CTNNA3: variants seen among roughly 807,000 people sequenced by gnomAD.
CTNNA3 encodes the protein catenin alpha-3.
CTNNA3 carries 76 observed loss-of-function variants against 95.7 expected under a neutral mutation model. The ratio of observed to expected loss-of-function variants is 0.79; its 90% CI spans 0.66 to 0.96. CTNNA3 has a LOEUF of 0.96. CTNNA3 is among the 40% of genes least tolerant of loss of function. The pLI is 0.00. For synonymous variants in CTNNA3, 431 were observed against 374.4 expected (o/e 1.15, Z -1.74); for missense variants, 1,191 against 1,089.8 (o/e 1.09, Z -1.31).
chr10:66,355,341 T>A (rs1378208065), intron 12 of CTNNA3, among the ~76,000 whole-genome samples: 3 of 152,034 alleles, frequency 2.0e-5, no homozygotes, highest in Non-Finnish European at 2.9e-5. Context: ...ATGCAAATCT[T>A]TAAAATGAAA....
At chr10:66,077,895 T>A (rs2080604697) in intron 14 of CTNNA3, among the ~76,000 whole-genome samples, 1 of 151,648 alleles carries the variant, frequency 6.6e-6, no homozygotes, top group Admixed American at 6.6e-5. Context: ...TATTGAAGGG[T>A]TGGTAAATTT....
In CTNNA3 at chr10:66,115,506, TATAGATAGATAGATAGATG is replaced by T. The variant is rs1345894530; in HGVS notation, c.1885-12276_1885-12258del. Among the ~76,000 whole-genome samples, 654 of 148,960 alleles carry T rather than the reference TATAGATAGATAGATAGATG, an allele frequency of 4.4e-3. 4 individuals are homozygous for T. Among genetic ancestry groups the T allele is most frequent in the African/African-American group, 0.015 (615 of 39,802 alleles). On this transcript the variant is annotated intron_variant, in intron 13 of 17. Transcript: ENST00000433211. ...TGTGGTTTGACTTCCCAATGGGGAA[TATAGATAGATAGATAGATG>T]ATAGATAGATAGATAGATAGATAGA...
At chr10:67,183,870 G>A (rs974692726) in intron 6 of CTNNA3, among the ~76,000 whole-genome samples, 3 of 152,024 alleles carry the variant, frequency 2.0e-5, no homozygotes, top group African/African-American at 7.2e-5. Context: ...AAGAACTGAA[G>A]GTTCTGGGAA....
At chr10:65,987,552 G>C (rs2078453189) in intron 16 of CTNNA3, among the ~76,000 whole-genome samples, 1 of 152,036 alleles carries the variant, frequency 6.6e-6, no homozygotes. Flanking sequence ...GTAGAGAAAA[G>C]GGGACTCATA....
At chr10:66,798,596 A>C (rs1018932230) in intron 7 of CTNNA3, among the ~76,000 whole-genome samples, 10 of 151,568 alleles carry the variant, frequency 6.6e-5, no homozygotes, top group Non-Finnish European at 8.9e-5. Context: ...GAAACTCCAA[A>C]TCCCAGAAAA....
At chr10:66,356,713 T>C (rs1564892990) in intron 12 of CTNNA3, among the ~76,000 whole-genome samples, 1 of 152,058 alleles carries the variant, frequency 6.6e-6, no homozygotes, top group Non-Finnish European at 1.5e-5. Context: ...CATTCATTCT[T>C]TTACTGTTAA....
chr10:66,849,283 G>C (rs942297252), intron 7 of CTNNA3, among the ~76,000 whole-genome samples: 1 of 152,150 alleles, frequency 6.6e-6, no homozygotes, highest in Non-Finnish European at 1.5e-5. Flanking sequence ...AAGCCATCAG[G>C]AAATAGTAAA....
chr10:67,253,598 G>T (rs957627454), intron 5 of CTNNA3, among the ~76,000 whole-genome samples: 4 of 152,116 alleles, frequency 2.6e-5, no homozygotes, highest in African/African-American at 9.7e-5. Context: ...CCTGGGAATG[G>T]CATAAGTATA....
chr10:67,275,784 T>C (rs1839163101), intron 5 of CTNNA3, among the ~76,000 whole-genome samples: 1 of 152,146 alleles, frequency 6.6e-6, no homozygotes, highest in African/African-American at 2.4e-5. Flanking sequence ...CTCTCTCCTT[T>C]TCAGGTTAAA....
chr10:66,571,886 G>T (rs1415987527), intron 10 of CTNNA3, among the ~76,000 whole-genome samples: 1 of 152,134 alleles, frequency 6.6e-6, no homozygotes, highest in East Asian at 1.9e-4. Context: ...TGATTAATTT[G>T]TATAGAATCA....
intron 5 of CTNNA3, among the ~76,000 whole-genome samples, chr10:67,412,079 G>T (rs959453429): frequency 1.3e-5 from 2 of 152,020 alleles, no homozygotes; most frequent in African/African-American, 4.8e-5. Flanking sequence ...GTAAATACTT[G>T]GCAGCAATTT....
At chr10:67,428,274 T>C (rs1845988413) in intron 5 of CTNNA3, among the ~76,000 whole-genome samples, 1 of 152,052 alleles carries the variant, frequency 6.6e-6, no homozygotes, top group South Asian at 2.1e-4. Flanking sequence ...TTTACCTTTA[T>C]AATTTTGGAG....
At chr10:67,701,887 C>T (rs1349463318) in intron 1 of CTNNA3, among the ~76,000 whole-genome samples, 17 of 152,000 alleles carry the variant, frequency 1.1e-4, no homozygotes, top group Non-Finnish European at 2.1e-4. Flanking sequence ...ACCCATCTCA[C>T]GAGCAGAGAC....
intron 13 of CTNNA3, among the ~76,000 whole-genome samples, chr10:66,250,095 C>G (rs990108338): frequency 1.3e-5 from 2 of 152,064 alleles, no homozygotes; most frequent in Non-Finnish European, 2.9e-5. Context: ...TCATTTGCAA[C>G]AACATGGATG....
intron 12 of CTNNA3, among the ~76,000 whole-genome samples, chr10:66,306,558 T>C (rs1441485764): frequency 6.6e-6 from 1 of 152,166 alleles, no homozygotes; most frequent in Non-Finnish European, 1.5e-5. Flanking sequence ...TACTGCCTGA[T>C]ACTGCCTCCA....
At chr10:67,690,641 T>A (rs116157567) in intron 1 of CTNNA3, among the ~76,000 whole-genome samples, 1,793 of 152,308 alleles carry the variant, frequency 0.012, 42 homozygotes, top group African/African-American at 0.041. Flanking sequence ...AGAGCACTGA[T>A]TGGTGCATTT....
intron 1 of CTNNA3, among the ~76,000 whole-genome samples, chr10:67,742,336 G>A (rs1841345215): frequency 1.3e-5 from 2 of 151,156 alleles, no homozygotes; most frequent in Admixed American, 1.3e-4. Flanking sequence ...TAGAACTCAG[G>A]ATTAAGAAAC....
intron 7 of CTNNA3, among the ~76,000 whole-genome samples, chr10:66,966,928 A>G (rs1044134652): frequency 2.6e-5 from 4 of 152,160 alleles, no homozygotes; most frequent in East Asian, 1.9e-4. Flanking sequence ...ATTCAACTAA[A>G]TGGGAGAATT....
At chr10:66,856,433 T>A (rs1843685825) in intron 7 of CTNNA3, among the ~76,000 whole-genome samples, 1 of 152,076 alleles carries the variant, frequency 6.6e-6, no homozygotes, top group Non-Finnish European at 1.5e-5. Flanking sequence ...TAACCAATAA[T>A]GAGATTGTTG....
Sources: allele counts gnomAD v4.1 joint callset (sites outside exome capture counted in the v4.1 genomes callset), GRCh38; gene constraint gnomAD v4.1.1; transcripts MANE v1.5; gene names NCBI Gene and HGNC (gene_info 2026-07-23, HGNC 2026-07-21).